The following XPO7 variants were observed in gnomAD, a reference collection of about 807,000 sequenced individuals.
The protein encoded by XPO7 is exportin 7.
XPO7 carries 21 observed loss-of-function variants against 144.3 expected under a neutral mutation model. The observed-to-expected ratio is 0.15, with a 90% CI of 0.10 to 0.21. The LOEUF (loss-of-function observed/expected upper bound fraction) is 0.21. Among genes scored for constraint, XPO7 ranks in the 10% least tolerant of loss-of-function variants. XPO7 has a pLI of 1.00. For synonymous variants in XPO7, 580 were observed against 499.6 expected, an observed-to-expected ratio of 1.16 and a Z score of -2.15; for missense variants, 808 against 1,325.8, an observed-to-expected ratio of 0.61 and a Z score of 6.06.
At chr8:21,963,083 A>C (rs1585445173) in intron 1 of XPO7, among the ~76,000 whole-genome samples, 1 of 152,216 alleles carries the variant, frequency 6.6e-6, no homozygotes, top group Non-Finnish European at 1.5e-5. Flanking sequence ...AATTCTTTAT[A>C]TATTTGTGGC....
intron 1 of XPO7, among the ~76,000 whole-genome samples, chr8:21,936,314 G>A (rs1364979398): frequency 6.6e-6 from 1 of 152,102 alleles, no homozygotes; most frequent in Non-Finnish European, 1.5e-5. Flanking sequence ...AGAAGATGCA[G>A]TCAATCAACA....
chr8:21,990,183 TAGAAG>T (rs1459578786), intron 16 of XPO7, among the ~76,000 whole-genome samples, 156 bp from the exon 17 acceptor site: 1 of 152,104 alleles, frequency 6.6e-6, no homozygotes, highest in Non-Finnish European at 1.5e-5. Context: ...AAATAGTGCT[TAGAAG>T]AGAATGCATT....
At chr8:21,945,632 C>CA (rs1811167877) in intron 1 of XPO7, among the ~76,000 whole-genome samples, 1 of 152,314 alleles carries the variant, frequency 6.6e-6, no homozygotes, top group African/African-American at 2.4e-5. Context: ...AATATTGAAA[C>CA]AAATCCTTTT....
At chr8:21,977,645 G>A in intron 7 of XPO7, 125 bp from the exon 8 acceptor site, 1 of 872,220 alleles carries the variant, frequency 1.1e-6, no homozygotes, top group Non-Finnish European at 1.7e-6. Flanking sequence ...CACTTCCAAA[G>A]GAAATAAATA....
chr8:21,981,517 A>G (rs757750918), intron 9 of XPO7, among the ~76,000 whole-genome samples: 1 of 152,216 alleles, frequency 6.6e-6, no homozygotes, highest in Non-Finnish European at 1.5e-5. Flanking sequence ...TATTGTGAAC[A>G]TATGAGATAA....
At chr8:21,992,090 C>A in intron 19 of XPO7, 116 bp downstream of exon 19, 1 of 672,746 alleles carries the variant, frequency 1.5e-6, no homozygotes, top group Admixed American at 3.6e-5. Flanking sequence ...ATGTCTTGGA[C>A]TTCTAGGGTT....
At chr8:21,983,682 C>T (rs994383842) in intron 11 of XPO7, among the ~76,000 whole-genome samples, 9 of 152,276 alleles carry the variant, frequency 5.9e-5, no homozygotes, top group East Asian at 1.9e-4. Context: ...GCTCTGGGGC[C>T]GGATAGCCAG....
chr8:21,989,881 G>T (rs1812708951), intron 16 of XPO7, among the ~76,000 whole-genome samples: 1 of 80,038 alleles, frequency 1.2e-5, no homozygotes, highest in East Asian at 4.5e-4. Context: ...ATGGAGTCTT[G>T]CTCTGTTGCC....
intron 1 of XPO7, among the ~76,000 whole-genome samples, chr8:21,920,533 C>T (rs1389315310): frequency 1.3e-5 from 2 of 152,076 alleles, no homozygotes; most frequent in Non-Finnish European, 1.5e-5. Flanking sequence ...TGGGTGCAGA[C>T]GTTGCTCGGG....
intron 24 of XPO7, among the ~76,000 whole-genome samples, chr8:22,001,492 G>A (rs1813145542): frequency 6.6e-6 from 1 of 152,126 alleles, no homozygotes; most frequent in Admixed American, 6.6e-5. Flanking sequence ...GCATAGATGA[G>A]TCTGCAGCTC....
At chr8:21,992,453 A>C (rs572128952) in intron 19 of XPO7, among the ~76,000 whole-genome samples, 1 of 152,204 alleles carries the variant, frequency 6.6e-6, no homozygotes, top group Non-Finnish European at 1.5e-5. Flanking sequence ...CATTTTCATT[A>C]TTCAGTTTTT....
intron 1 of XPO7, among the ~76,000 whole-genome samples, chr8:21,941,869 G>A (rs998497685): frequency 1.3e-5 from 2 of 152,182 alleles, no homozygotes; most frequent in Non-Finnish European, 1.5e-5. Flanking sequence ...TGTTGTTGTT[G>A]AGTTGGGGTC....
chr8:21,925,799 A>G (rs894191774), intron 1 of XPO7, among the ~76,000 whole-genome samples: 3 of 152,170 alleles, frequency 2.0e-5, no homozygotes, highest in Non-Finnish European at 2.9e-5. Context: ...CGTGTTCTCA[A>G]TTCATATGTA....
chr8:21,926,642 G>C (rs1383798724), intron 1 of XPO7, among the ~76,000 whole-genome samples: 1 of 151,712 alleles, frequency 6.6e-6, no homozygotes, highest in African/African-American at 2.4e-5. Flanking sequence ...TCTAAAATTA[G>C]TCATGAAATT....
At chr8:22,001,212 A>G (rs1473472077) in intron 24 of XPO7, among the ~76,000 whole-genome samples, 1 of 152,050 alleles carries the variant, frequency 6.6e-6, no homozygotes, top group African/African-American at 2.4e-5. Flanking sequence ...AGGCTGAGGC[A>G]GAAGAATCAC....
chr8:21,941,687 G>C (rs552131696), intron 1 of XPO7, among the ~76,000 whole-genome samples: 1 of 152,266 alleles, frequency 6.6e-6, no homozygotes, highest in East Asian at 1.9e-4. Context: ...AAATGGGAGG[G>C]ATGCTGGAGA....
In XPO7 at chr8:21,964,486, G is replaced by C. The variant is rs148873798; in HGVS notation, c.19-2371G>C. Among the ~76,000 whole-genome samples the C allele has an allele frequency of 2.2e-3, 332 of 152,228 alleles. 1 individual carries two copies. The highest frequency in any genetic ancestry group is 7.3e-3 in the African/African-American group (305 of 41,538). ...CACTGGTAACTAAAAAAGCATAAAT[G>C]TTAATGTCTCATTCCTTTCTCCTTC... is the stretch of plus-strand genomic sequence containing the variant. On this transcript the variant is annotated intron_variant, in intron 1 of 27. Transcript: ENST00000252512.
At chr8:21,921,562 T>G (rs540913964) in intron 1 of XPO7, 1 of 152,220 alleles carries the variant, frequency 6.6e-6, no homozygotes, top group Non-Finnish European at 1.5e-5. Context: ...GCATAAAGGT[T>G]GTCATTCCTG....
rs1812670092 is a variant in XPO7 at position 21,988,987 on chromosome 8, TC to T, written c.1788-15del. 2 of 1,609,746 alleles carry T rather than the reference TC, an allele frequency of 1.2e-6. No individual in the cohort carries two copies. The highest frequency in any genetic ancestry group is 1.1e-5 in the South Asian group (1 of 89,976). Reference sequence around the variant, plus strand: ...CAAAAGGGTCTCCTGCTTTTTTTTTTCTTTTTGTCCTCCAGCATCACCAACT... The same window carrying T: ...CAAAAGGGTCTCCTGCTTTTTTTTTTTTTTTGTCCTCCAGCATCACCAACT... On this transcript the variant is annotated splice_polypyrimidine_tract_variant and intron_variant, in intron 15 of 27. Transcript: ENST00000252512.
Sources: gnomAD v4.1 joint callset for allele counts (sites outside exome capture counted in the v4.1 genomes callset) on GRCh38, gnomAD v4.1.1 for gene constraint, MANE v1.5 for transcripts, NCBI Gene and HGNC (gene_info 2026-07-23, HGNC 2026-07-21) for gene names.